SVIL: variants seen among roughly 807,000 people sequenced by gnomAD.
SVIL encodes archvillin.
Under a neutral mutation model 240.4 loss-of-function variants are expected in SVIL, and 101 were observed. That is an observed-to-expected ratio of 0.42 (90% CI 0.36 to 0.50). SVIL has a LOEUF of 0.50. Ranked by LOEUF, SVIL falls within the 20% of genes least tolerant of loss-of-function variation. The probability of loss-of-function intolerance (pLI) is 0.01; values close to 1 mark genes in which losing one functional copy is unlikely to be tolerated. For missense variants in SVIL, 2,512 were observed against 2,818.7 expected (o/e 0.89, Z 2.46); for synonymous variants, 999 against 1,100.0 (o/e 0.91, Z 1.82).
chr10:29,539,493 G>A (rs760343312), intron 6 of SVIL, among the ~76,000 whole-genome samples: 1 of 152,168 alleles, frequency 6.6e-6, no homozygotes, highest in Non-Finnish European at 1.5e-5. Context: ...GGTTGGCTAT[G>A]ACATGTATTT....
chr10:29,657,080 T>C (rs1352960786), intron 3 of SVIL, among the ~76,000 whole-genome samples: 2 of 152,182 alleles, frequency 1.3e-5, no homozygotes, highest in Non-Finnish European at 2.9e-5. Context: ...TTATTAAGTG[T>C]CAAACCCAGG....
chr10:29,492,459 G>A (rs1948056861), intron 21 of SVIL, among the ~76,000 whole-genome samples: 1 of 152,174 alleles, frequency 6.6e-6, no homozygotes, highest in South Asian at 2.1e-4. Context: ...TCTAGAACCC[G>A]AGGCCACATC....
Position 29,551,061 on chromosome 10 carries a change from C to T in SVIL, c.363G>A (p.Gly121=). 6.2e-7 allele frequency: 1 copy of T among 1,614,156 alleles called. No homozygotes were observed. Among genetic ancestry groups the T allele is most frequent in the Non-Finnish European group, 8.5e-7 (1 of 1,180,038 alleles). ...AGTCGGCCTCGGGATCCAGAGTCAG[C>T]CCATACTTCTCTGCCAGCTGTCGCC... ...ERRRQLAEKY[G]LTLDPEADSE... The change falls in exon 6 of 38, where the codon GGG becomes GGA. Residue 121 remains glycine, a synonymous_variant. Coordinates refer to ENST00000355867, the MANE Select transcript of SVIL (RefSeq NM_021738.3).
chr10:29,528,833 A>G (rs914281537), intron 12 of SVIL, among the ~76,000 whole-genome samples: 3 of 152,208 alleles, frequency 2.0e-5, no homozygotes, highest in Non-Finnish European at 4.4e-5. Context: ...TTAATTCTGA[A>G]TATATTGAAA....
rs1949933553 is a variant in SVIL at position 29,512,768 on chromosome 10, G to A, written c.3483C>T (p.His1161=). Residue 1161 remains histidine (H), a synonymous_variant, in exon 17 of 38, where the codon CAC becomes CAT. Coordinates refer to ENST00000355867, the MANE Select transcript of SVIL (RefSeq NM_021738.3). ...TGAGGGACCGCCCTGCTTCCTGGGT[G>A]TGCAGGCTGCTGGCCGGCGCCTTGC... ...EGGKAPASSL[H]TQEAGRSLIK... is the part of the protein sequence containing the mutation. The A allele has an allele frequency of 1.2e-6, 2 of 1,613,834 alleles. No individual in the cohort carries two copies. The highest frequency in any genetic ancestry group is 3.3e-5 in the Admixed American group (2 of 60,004).
At chr10:29,557,498 T>C (rs940426218) in intron 3 of SVIL, among the ~76,000 whole-genome samples, 1 of 152,198 alleles carries the variant, frequency 6.6e-6, no homozygotes, top group African/African-American at 2.4e-5. Context: ...AAAGTTAAGA[T>C]AGACTTTTCT....
intron 29 of SVIL, chr10:29,475,637 C>G (rs1946114609): frequency 2.0e-5 from 3 of 152,162 alleles, no homozygotes; most frequent in Admixed American, 6.6e-5. Context: ...GGAGTGTAGA[C>G]CTGAATGATG....
In SVIL at chr10:29,675,171, C is replaced by G. The variant is rs183214625; in HGVS notation, c.-301+11382G>C. 1.9e-3 allele frequency among the ~76,000 whole-genome samples: 292 copies of G among 152,278 alleles called. 1 individual carries two copies. Among genetic ancestry groups the G allele is most frequent in the African/African-American group, 6.6e-3 (276 of 41,550 alleles). ...CAATGAGCCCAGTCCACATGCATGA[C>G]CCCAGTATGAAGCCTGGCATACCAC... On this transcript the variant is annotated intron_variant, in intron 2 of 35. Transcript: ENST00000375400.
chr10:29,528,368 G>A (rs893398630), intron 12 of SVIL, among the ~76,000 whole-genome samples: 1 of 152,112 alleles, frequency 6.6e-6, no homozygotes, highest in African/African-American at 2.4e-5. Flanking sequence ...ATAACCTAAT[G>A]GGATGAACTA....
intron 2 of SVIL, among the ~76,000 whole-genome samples, chr10:29,675,139 A>G (rs1441867563): frequency 6.6e-6 from 1 of 152,160 alleles, no homozygotes; most frequent in Non-Finnish European, 1.5e-5. Context: ...TGCTAGAGCA[A>G]TCAGGCCAAT....
In SVIL at chr10:29,480,808, G is replaced by A. The variant is rs557283308; in HGVS notation, c.5106C>T (p.Asp1702=). ...NPGELAQHKE[D]PRTDVKAYDV... is the part of the protein sequence containing the mutation. ...CGTATGCCTTGACATCAGTCCTGGG[G>A]TCTTCCTACAGGGGAACACAAAGAC... Residue 1702 remains aspartate, a synonymous_variant, in exon 29 of 38, where the codon GAC becomes GAT. Coordinates refer to ENST00000355867, the MANE Select transcript of SVIL (RefSeq NM_021738.3). 1.2e-5 allele frequency: 19 copies of A among 1,606,338 alleles called. No homozygotes were observed. In the South Asian group the frequency reaches 2.0e-4, roughly 17 times the overall value.
chr10:29,562,221 A>T (rs1464743468), intron 3 of SVIL, among the ~76,000 whole-genome samples: 1 of 152,190 alleles, frequency 6.6e-6, no homozygotes, highest in Non-Finnish European at 1.5e-5. Context: ...AGCTGAGACT[A>T]ATGATCATTC....
chr10:29,570,776 A>T (rs1390412185), intron 1 of SVIL, among the ~76,000 whole-genome samples: 1 of 152,232 alleles, frequency 6.6e-6, no homozygotes, highest in Non-Finnish European at 1.5e-5. Flanking sequence ...ATTAAGGGAA[A>T]ACAAATTCAC....
rs1160971120 is a variant in SVIL, at chr10:29,481,832, C to G, written c.4956-104G>C. On this transcript the variant is annotated intron_variant, in intron 27 of 37. Coordinates refer to ENST00000355867, the MANE Select transcript of SVIL (RefSeq NM_021738.3). ...AACACATGCGGCTGCTGGAAAAAACCTCAAAGTACGTGAGTACATATAAAG... is the reference window on the plus strand; with the variant it reads ...AACACATGCGGCTGCTGGAAAAAACGTCAAAGTACGTGAGTACATATAAAG... The G allele has an allele frequency of 9.2e-6, 10 of 1,085,158 alleles. No individual in the cohort carries two copies. In the African/African-American group the frequency reaches 1.6e-4, roughly 17 times the overall value. 67.2% of individuals were successfully genotyped at this position (1,085,158 alleles called of 1,614,324 possible). A position where few individuals can be genotyped will look rare whatever the true frequency, so the allele number is the denominator to read the frequency against.
intron 2 of SVIL, among the ~76,000 whole-genome samples, chr10:29,680,702 T>C (rs904921577): frequency 2.6e-5 from 4 of 152,084 alleles, no homozygotes; most frequent in Non-Finnish European, 5.9e-5. Flanking sequence ...GTGGATCACT[T>C]GAGGTCAGGA....
At chr10:29,723,548 A>G (rs1390905115) in intron 1 of SVIL, among the ~76,000 whole-genome samples, 5 of 152,194 alleles carry the variant, frequency 3.3e-5, no homozygotes, top group Non-Finnish European at 7.3e-5. Context: ...ACAATGCTTC[A>G]GGGAATAATA....
At chr10:29,700,309 C>T (rs1026698877) in intron 1 of SVIL, among the ~76,000 whole-genome samples, 3 of 152,066 alleles carry the variant, frequency 2.0e-5, no homozygotes, top group African/African-American at 7.2e-5. Context: ...TCCAACCTAC[C>T]AGCAGATTCA....
At chr10:29,561,918 T>G (rs1233127867) in intron 3 of SVIL, among the ~76,000 whole-genome samples, 1 of 152,242 alleles carries the variant, frequency 6.6e-6, no homozygotes. Context: ...CACATGTCTC[T>G]GTCTGGGTTT....
intron 1 of SVIL, among the ~76,000 whole-genome samples, chr10:29,623,012 G>A (rs904771779): frequency 1.3e-5 from 2 of 152,160 alleles, no homozygotes; most frequent in Admixed American, 6.5e-5. Context: ...TCCAGTGTGT[G>A]TGCGAGTGTG....
Sources: allele counts gnomAD v4.1 joint callset (sites outside exome capture counted in the v4.1 genomes callset), GRCh38; gene constraint gnomAD v4.1.1; transcripts MANE v1.5; gene names NCBI Gene and HGNC (gene_info 2026-07-23, HGNC 2026-07-21).